PPP3R1: variants seen among roughly 807,000 people sequenced by gnomAD.
PPP3R1 encodes the protein protein phosphatase 3 regulatory subunit B, alpha.
A neutral mutation model predicts 22.6 loss-of-function variants in PPP3R1; 5 were observed. The ratio of observed to expected loss-of-function variants is 0.22; its 90% CI spans 0.12 to 0.46. The LOEUF is 0.46. Ranked by LOEUF, PPP3R1 falls within the 20% of genes least tolerant of loss-of-function variation. The probability of loss-of-function intolerance (pLI) is 0.99; values close to 1 mark genes in which losing one functional copy is unlikely to be tolerated. For synonymous variants in PPP3R1, 56 were observed against 65.2 expected, an observed-to-expected ratio of 0.86 and a Z score of 0.68; for missense variants, 61 against 203.2, an observed-to-expected ratio of 0.30 and a Z score of 4.25.
chr2:68,236,214 G>A (rs1255817849), intron 1 of PPP3R1, among the ~76,000 whole-genome samples: 1 of 151,808 alleles, frequency 6.6e-6, no homozygotes, highest in Non-Finnish European at 1.5e-5. Context: ...ATTGCTTGTG[G>A]TTTTGGTATC....
At chr2:68,225,680 T>G (rs994414830) in intron 1 of PPP3R1, among the ~76,000 whole-genome samples, 2 of 152,194 alleles carry the variant, frequency 1.3e-5, no homozygotes, top group Non-Finnish European at 2.9e-5. Flanking sequence ...AACAGAAAAC[T>G]AATATCCAAA....
intron 1 of PPP3R1, among the ~76,000 whole-genome samples, chr2:68,231,487 CTAG>C (rs1286405255): frequency 2.6e-5 from 4 of 151,872 alleles, no homozygotes; most frequent in Non-Finnish European, 5.9e-5. Context: ...GTTGTTCTCG[CTAG>C]TAGTTTTGGT....
chr2:68,179,015 A>AAAAAG lies in PPP3R1; in HGVS notation c.*1947_*1948insCTTTT. 7.7e-6 allele frequency: 1 copy of AAAAAG among 130,160 alleles called. No individual in the cohort carries two copies. Among genetic ancestry groups the AAAAAG allele is most frequent in the East Asian group, 2.5e-4 (1 of 3,994 alleles). 8.1% of individuals were successfully genotyped at this position (130,160 alleles called of 1,614,324 possible). On this transcript the variant is annotated 3_prime_UTR_variant, in exon 6 of 6. Coordinates refer to ENST00000234310, the MANE Select transcript of PPP3R1 (RefSeq NM_000945.4). Reference sequence around the variant, plus strand: ...CAAACTAAAAAAAAAAAAAAAAAAAAAGAAAAAGAAAAAACCCTCATTCCC... The same window carrying AAAAAG: ...CAAACTAAAAAAAAAAAAAAAAAAAAAAAAGAGAAAAAGAAAAAACCCTCATTCCC...
chr2:68,224,518 G>C (rs1669746755), intron 1 of PPP3R1, among the ~76,000 whole-genome samples: 1 of 152,006 alleles, frequency 6.6e-6, no homozygotes, highest in Non-Finnish European at 1.5e-5. Flanking sequence ...AAAAAAACTA[G>C]CCGGGCGTGG....
At chr2:68,235,170 T>C (rs138688942) in intron 1 of PPP3R1, among the ~76,000 whole-genome samples, 2 of 152,354 alleles carry the variant, frequency 1.3e-5, no homozygotes, top group African/African-American at 4.8e-5. Flanking sequence ...TTTGGCTTGC[T>C]GGTCAATAAG....
intron 2 of PPP3R1, among the ~76,000 whole-genome samples, chr2:68,191,553 C>CT (rs1029263774): frequency 7.9e-5 from 12 of 152,270 alleles, no homozygotes; most frequent in Admixed American, 7.8e-4. Flanking sequence ...TTTATAAACT[C>CT]TGTACACTTA....
intron 1 of PPP3R1, among the ~76,000 whole-genome samples, chr2:68,239,055 A>T (rs976187320): frequency 6.6e-6 from 1 of 152,220 alleles, no homozygotes; most frequent in Non-Finnish European, 1.5e-5. Flanking sequence ...ACAGAAAAAG[A>T]TGTAAGGATT....
chr2:68,209,447 T>G (rs1373115084), intron 2 of PPP3R1, among the ~76,000 whole-genome samples: 1 of 140,922 alleles, frequency 7.1e-6, no homozygotes, highest in African/African-American at 2.6e-5. Flanking sequence ...TGGGTTTAGG[T>G]CAACTGCTAT....
intron 1 of PPP3R1, among the ~76,000 whole-genome samples, chr2:68,224,456 T>C (rs1572969541): frequency 6.6e-6 from 1 of 151,148 alleles, no homozygotes. Flanking sequence ...AGGTCAGGAG[T>C]TTGAAACCAG....
chr2:68,199,197 C>T (rs1356699553), intron 2 of PPP3R1, among the ~76,000 whole-genome samples: 1 of 152,082 alleles, frequency 6.6e-6, no homozygotes, highest in Non-Finnish European at 1.5e-5. Context: ...CTCCTGACCT[C>T]GTGATCTGCC....
chr2:68,223,864 GCAGATGACATAATTGTGTATGTA>G (rs1669733703), intron 1 of PPP3R1, among the ~76,000 whole-genome samples: 1 of 149,618 alleles, frequency 6.7e-6, no homozygotes, highest in Non-Finnish European at 1.5e-5. Flanking sequence ...GCCTTTCGTT[GCAGATGACATAATTGTGTATGTA>G]CATAAATCCT....
intron 1 of PPP3R1, among the ~76,000 whole-genome samples, chr2:68,244,760 C>CA (rs796085897): frequency 3.2e-4 from 47 of 147,390 alleles, no homozygotes; most frequent in Admixed American, 4.1e-4. Context: ...ATAAATGTCT[C>CA]AAAAAAAAAA....
intron 1 of PPP3R1, 85 bp from the exon 2 acceptor site, chr2:68,217,216 A>G (rs559943378): frequency 5.7e-5 from 54 of 944,642 alleles, no homozygotes; most frequent in Non-Finnish European, 8.3e-5. Context: ...AAGTCAAAAA[A>G]CATAGGGAAA....
In PPP3R1 at chr2:68,198,062, C is replaced by CAAA. The variant is rs199824687; in HGVS notation, c.44-9375_44-9373dup. 8.7e-3 allele frequency among the ~76,000 whole-genome samples: 365 copies of CAAA among 42,002 alleles called. 113 individuals carry two copies. Among genetic ancestry groups the CAAA allele is most frequent in the Non-Finnish European group, 0.01 (263 of 26,042 alleles). The allele number at this position is 42,002 out of a possible 152,430, so 27.6% of individuals were successfully genotyped here. On this transcript the variant is annotated intron_variant, in intron 2 of 5. Coordinates refer to ENST00000234310, the MANE Select transcript of PPP3R1 (RefSeq NM_000945.4). ...GCTCCCTTTACAACGGCACCTTTGG[C>CAAA]AAAAAAAAAAAAAAAAAAAAAAAAA...
At chr2:68,196,470 T>C (rs1674775030) in intron 2 of PPP3R1, among the ~76,000 whole-genome samples, 1 of 152,200 alleles carries the variant, frequency 6.6e-6, no homozygotes, top group African/African-American at 2.4e-5. Context: ...CCTATCAGTA[T>C]TATGACAGAC....
intron 2 of PPP3R1, among the ~76,000 whole-genome samples, chr2:68,214,903 T>C (rs956820110): frequency 2.6e-5 from 4 of 152,032 alleles, no homozygotes; most frequent in South Asian, 2.1e-4. Flanking sequence ...CCATGAACAG[T>C]AGACTGGATA....
chr2:68,226,661 T>A (rs1044904387), intron 1 of PPP3R1, among the ~76,000 whole-genome samples: 3 of 152,156 alleles, frequency 2.0e-5, no homozygotes, highest in African/African-American at 7.2e-5. Flanking sequence ...TTAAACTCCA[T>A]GAAGGCACCA....
chr2:68,216,548 G>GTAC (rs1402251868), intron 2 of PPP3R1, among the ~76,000 whole-genome samples: 1 of 152,078 alleles, frequency 6.6e-6, no homozygotes. Context: ...ACGGAAAGCT[G>GTAC]TACTTTCAAG....
At chr2:68,238,294 T>G (rs1165175901) in intron 1 of PPP3R1, among the ~76,000 whole-genome samples, 1 of 152,140 alleles carries the variant, frequency 6.6e-6, no homozygotes, top group East Asian at 1.9e-4. Context: ...AAATATGGAA[T>G]GTACTACAGT....
Sources: allele counts gnomAD v4.1 joint callset (sites outside exome capture counted in the v4.1 genomes callset), GRCh38; gene constraint gnomAD v4.1.1; transcripts MANE v1.5; gene names NCBI Gene and HGNC (gene_info 2026-07-23, HGNC 2026-07-21).